NCALD: variants seen among roughly 807,000 people sequenced by gnomAD.
NCALD encodes neurocalcin delta, also known as neurocalcin-delta.
In NCALD, 10 loss-of-function variants were observed where a neutral mutation model predicts 18.6. That is an observed-to-expected ratio of 0.54 (90% CI 0.33 to 0.91). NCALD has a LOEUF of 0.91. NCALD is among the 40% of genes least tolerant of loss of function. The pLI is 0.03. For missense variants in NCALD, 184 were observed against 247.6 expected, an observed-to-expected ratio of 0.74 and a Z score of 1.72; for synonymous variants, 88 against 87.4, an observed-to-expected ratio of 1.01 and a Z score of -0.04.
chr8:102,094,952 C>G (rs578074565), intron 1 of NCALD, among the ~76,000 whole-genome samples: 1 of 152,304 alleles, frequency 6.6e-6, no homozygotes, highest in East Asian at 1.9e-4. Flanking sequence ...CAGGGCCCAG[C>G]TGGCATCTTG....
intron 3 of NCALD, among the ~76,000 whole-genome samples, chr8:101,896,990 A>G (rs1817207789): frequency 1.2e-5 from 1 of 85,298 alleles, no homozygotes; most frequent in African/African-American, 7.0e-5. Flanking sequence ...TAGAAATACC[A>G]TTTGACCCAG....
intron 1 of NCALD, among the ~76,000 whole-genome samples, chr8:101,725,730 G>A (rs543053007): frequency 1.1e-4 from 17 of 152,316 alleles, no homozygotes; most frequent in Admixed American, 2.0e-4. Context: ...TGAGCATGGC[G>A]TCCAAGTAAG....
chr8:102,031,005 A>G (rs1822651095), intron 1 of NCALD, among the ~76,000 whole-genome samples: 1 of 152,170 alleles, frequency 6.6e-6, no homozygotes, highest in African/African-American at 2.4e-5. Flanking sequence ...AAACCCCAAT[A>G]ACTAAATGAA....
chr8:102,044,173 G>C (rs7018404), intron 1 of NCALD, among the ~76,000 whole-genome samples: 1 of 151,710 alleles, frequency 6.6e-6, no homozygotes, highest in African/African-American at 2.4e-5. Context: ...TCTTTTTTGA[G>C]AATTTAAGTC....
rs1405430431 is a variant in NCALD at position 101,820,139 on chromosome 8, C to G, written c.-20+67002G>C. On this transcript the variant is annotated intron_variant, in intron 4 of 6. Coordinates refer to the NCALD transcript ENST00000311028. Reference sequence around the variant, plus strand: ...TCAGGAATGAAGCAGAGTTGGCTGTCTGGAAGACAATTCGCCCATCTCCTG... The same window carrying G: ...TCAGGAATGAAGCAGAGTTGGCTGTGTGGAAGACAATTCGCCCATCTCCTG... Among the ~76,000 whole-genome samples, 3 of 152,308 alleles carry G rather than the reference C, an allele frequency of 2.0e-5. No individual in the cohort carries two copies. In the East Asian group the frequency reaches 5.8e-4, roughly 29 times the overall value.
intron 4 of NCALD, among the ~76,000 whole-genome samples, chr8:101,821,600 C>T (rs1011499381): frequency 3.3e-5 from 5 of 152,086 alleles, no homozygotes; most frequent in South Asian, 4.1e-4. Flanking sequence ...CAGCCCTCCA[C>T]GAGGTCCTGT....
At chr8:101,863,110 C>T (rs148742395) in intron 4 of NCALD, among the ~76,000 whole-genome samples, 1 of 152,274 alleles carries the variant, frequency 6.6e-6, no homozygotes, top group Non-Finnish European at 1.5e-5. Context: ...TTTCTCCACA[C>T]CGTGTGCTCA....
chr8:102,081,542 T>G (rs1437165776), intron 1 of NCALD, among the ~76,000 whole-genome samples: 1 of 41,680 alleles, frequency 2.4e-5, no homozygotes, highest in African/African-American at 9.5e-5. Flanking sequence ...ATTCAAATAA[T>G]GGTAAAAAAA....
chr8:101,947,338 G>C (rs1462402279), intron 2 of NCALD, among the ~76,000 whole-genome samples: 1 of 152,106 alleles, frequency 6.6e-6, no homozygotes, highest in Non-Finnish European at 1.5e-5. Context: ...AAAAATGCCT[G>C]GGAAAACTTC....
intron 1 of NCALD, among the ~76,000 whole-genome samples, chr8:101,785,136 A>G (rs897957487): frequency 1.3e-5 from 2 of 152,188 alleles, no homozygotes; most frequent in African/African-American, 4.8e-5. Flanking sequence ...TCTGTGCCTC[A>G]ATTTCCTCAT....
chr8:101,905,468 C>G (rs62518468), intron 3 of NCALD, among the ~76,000 whole-genome samples: 1 of 152,094 alleles, frequency 6.6e-6, no homozygotes. Flanking sequence ...TTTACCCTAA[C>G]CAACATTCTC....
At chr8:101,806,533 T>G (rs989521821) in intron 4 of NCALD, among the ~76,000 whole-genome samples, 4 of 152,042 alleles carry the variant, frequency 2.6e-5, no homozygotes, top group African/African-American at 9.7e-5. Context: ...AAAAACCAAC[T>G]GGAAATGCCA....
chr8:101,872,221 C>T lies in NCALD; in HGVS notation c.-20+14920G>A, dbSNP rs551653330. 4.7e-6 allele frequency: 7 copies of T among 1,500,098 alleles called. No homozygotes were observed. The Admixed American group carries it at 1.2e-4, about 25-fold the overall frequency. 92.9% of individuals were successfully genotyped at this position (1,500,098 alleles called of 1,614,324 possible). On this transcript the variant is annotated intron_variant, in intron 4 of 6. Transcript: ENST00000311028. ...GTGCAAGATGACCCACAAGCCCTCA[C>T]TGGCTTTGGTAACTTCTTGAACATA...
At chr8:101,860,749 C>G (rs942373202) in intron 4 of NCALD, among the ~76,000 whole-genome samples, 7 of 151,844 alleles carry the variant, frequency 4.6e-5, no homozygotes, top group African/African-American at 1.7e-4. Flanking sequence ...GGGAGAGCTG[C>G]GGAATGGGGG....
chr8:101,951,891 C>T (rs953112076), intron 2 of NCALD, among the ~76,000 whole-genome samples: 1 of 152,142 alleles, frequency 6.6e-6, no homozygotes, highest in Non-Finnish European at 1.5e-5. Flanking sequence ...CATGCTGAGC[C>T]CCTGGTCCTC....
chr8:101,929,406 G>A, intron 2 of NCALD, among the ~76,000 whole-genome samples: 1 of 50,024 alleles, frequency 2.0e-5, no homozygotes, highest in Admixed American at 1.6e-4. Flanking sequence ...ATGGAGGGAG[G>A]GAGGGAGGAA....
chr8:102,005,073 T>C (rs1286672495), intron 2 of NCALD, among the ~76,000 whole-genome samples: 1 of 152,070 alleles, frequency 6.6e-6, no homozygotes, highest in African/African-American at 2.4e-5. Flanking sequence ...CCAAAGAAAT[T>C]ACCATCAGAG....
rs574080383 is a variant in NCALD, at chr8:101,872,550, C to A, written c.-20+14591G>T. ...CAGTGTCTGTGTTGGGGTCCTGCAT[C>A]TTGTTTCCAATCGCTCAAGCCAATC... On this transcript the variant is annotated intron_variant, in intron 4 of 6. Coordinates refer to the NCALD transcript ENST00000311028. The A allele has an allele frequency of 3.3e-4, 217 of 649,464 alleles. No individual in the cohort carries two copies. The African/African-American group carries it at 3.6e-3, about 11-fold the overall frequency. 40.2% of individuals were successfully genotyped at this position (649,464 alleles called of 1,614,324 possible).
chr8:101,843,113 C>T (rs558042429), intron 4 of NCALD, among the ~76,000 whole-genome samples: 12 of 152,200 alleles, frequency 7.9e-5, no homozygotes, highest in African/African-American at 1.4e-4. Flanking sequence ...ATGTATTTAA[C>T]GATTGCCTCT....
Sources: gnomAD v4.1 joint callset for allele counts (sites outside exome capture counted in the v4.1 genomes callset) on GRCh38, gnomAD v4.1.1 for gene constraint, MANE v1.5 for transcripts, NCBI Gene and HGNC (gene_info 2026-07-23, HGNC 2026-07-21) for gene names.